CFAP58: variants seen among roughly 807,000 people sequenced by gnomAD.
The protein encoded by CFAP58 is cilia- and flagella-associated protein 58.
A neutral mutation model predicts 119.5 loss-of-function variants in CFAP58; 88 were observed. The observed-to-expected ratio is 0.74, with a 90% CI of 0.62 to 0.88. The LOEUF (loss-of-function observed/expected upper bound fraction) is 0.88. CFAP58 is among the 40% of genes least tolerant of loss of function. The probability of loss-of-function intolerance (pLI) is 0.00; values close to 1 mark genes in which losing one functional copy is unlikely to be tolerated. For synonymous variants in CFAP58, 365 were observed against 366.3 expected (o/e 1.00, Z 0.04); for missense variants, 990 against 1,021.2 (o/e 0.97, Z 0.42).
At chr10:104,384,795 G>C (rs933772572) in intron 9 of CFAP58, among the ~76,000 whole-genome samples, 1 of 152,176 alleles carries the variant, frequency 6.6e-6, no homozygotes, top group Non-Finnish European at 1.5e-5. Context: ...GAAAGGTGAG[G>C]CTCCATGAAC....
chr10:104,440,344 A>G (rs1589937159), intron 15 of CFAP58, among the ~76,000 whole-genome samples: 1 of 110,570 alleles, frequency 9.0e-6, no homozygotes, highest in South Asian at 2.6e-4. Flanking sequence ...ATTAAGTTGA[A>G]TTTTAAAAAA....
At chr10:104,442,069 G>A (rs2133092082) in intron 15 of CFAP58, among the ~76,000 whole-genome samples, 1 of 152,232 alleles carries the variant, frequency 6.6e-6, no homozygotes. Flanking sequence ...TATATACAGA[G>A]GGAAGTAATT....
intron 15 of CFAP58, among the ~76,000 whole-genome samples, chr10:104,437,679 C>T (rs1457167402): frequency 6.6e-6 from 1 of 151,722 alleles, no homozygotes; most frequent in Non-Finnish European, 1.5e-5. Flanking sequence ...GAAAATTGAA[C>T]AAGTATAAGT....
chr10:104,395,275 G>T lies in CFAP58; in HGVS notation c.1674+1800G>T, dbSNP rs539582234. Among the ~76,000 whole-genome samples, 78 of 152,318 alleles carry T rather than the reference G, an allele frequency of 5.1e-4. 1 individual carries two copies. The highest frequency in any genetic ancestry group is 1.8e-3 in the African/African-American group (76 of 41,578). On this transcript the variant is annotated intron_variant, in intron 11 of 17. Coordinates refer to ENST00000369704, the MANE Select transcript of CFAP58 (RefSeq NM_001008723.2). ...ATAAAATACAGGGCAATAAAGTCCTGTATCATTTGGACCTGGGCCAGCAGA... is the reference window on the plus strand; with the variant it reads ...ATAAAATACAGGGCAATAAAGTCCTTTATCATTTGGACCTGGGCCAGCAGA...
At chr10:104,365,314 G>A (rs2014727164) in intron 4 of CFAP58, among the ~76,000 whole-genome samples, 1 of 152,076 alleles carries the variant, frequency 6.6e-6, no homozygotes. Context: ...CATACACAAT[G>A]TGCAGTCTCC....
intron 15 of CFAP58, among the ~76,000 whole-genome samples, chr10:104,411,087 C>A (rs747809075): frequency 3.3e-5 from 5 of 152,006 alleles, no homozygotes; most frequent in Admixed American, 6.6e-5. Context: ...TTACAGGCAT[C>A]CACCACAACG....
At chr10:104,403,131 G>A (rs891881272) in intron 13 of CFAP58, among the ~76,000 whole-genome samples, 1 of 152,174 alleles carries the variant, frequency 6.6e-6, no homozygotes, top group Non-Finnish European at 1.5e-5. Flanking sequence ...TGTCATGGGT[G>A]GGGTCCAGGT....
intron 13 of CFAP58, among the ~76,000 whole-genome samples, chr10:104,402,084 C>T: frequency 6.6e-6 from 1 of 152,128 alleles, no homozygotes; most frequent in East Asian, 1.9e-4. Flanking sequence ...AATGGGAAGA[C>T]AACTTAATAA....
chr10:104,393,355 G>T lies in CFAP58; in HGVS notation c.1554G>T (p.Lys518Asn). 6.2e-7 allele frequency: 1 copy of T among 1,613,822 alleles called. No individual in the cohort carries two copies. Among genetic ancestry groups the T allele is most frequent in the Non-Finnish European group, 8.5e-7 (1 of 1,179,788 alleles). Residue 518 changes from lysine to asparagine, a missense_variant, in exon 11 of 18, where the codon AAG becomes AAT. Physicochemically the swap from Lys to Asn is moderately conservative, Grantham distance 94 (BLOSUM62 0). Transcript: ENST00000369704. ...ATGAAATAACAGATATGAAGAGAAA[G>T]TTAAAGATTATGATCCATCAGGTAG... is the stretch of plus-strand genomic sequence containing the variant. ...AQDEITDMKR[K>N]LKIMIHQVDE...
At chr10:104,422,250 G>C (rs2012671761) in intron 15 of CFAP58, among the ~76,000 whole-genome samples, 1 of 152,188 alleles carries the variant, frequency 6.6e-6, no homozygotes, top group African/African-American at 2.4e-5. Context: ...GCTTATAAAT[G>C]ACATAGCTTG....
chr10:104,353,942 G>C, intron 1 of CFAP58, 36 bp downstream of exon 1: 1 of 1,611,268 alleles, frequency 6.2e-7, no homozygotes, highest in Non-Finnish European at 8.5e-7. Context: ...CCTTTCCCTT[G>C]ACCCCTCCCC....
rs201046238 is a variant in CFAP58, at chr10:104,365,863, G to A, written c.647G>A (p.Arg216Gln). ...CAGAACGAAGCTTCCCGGGAGTTCCGGAAGAAGGAAAAACTAGAGAAAGAG... is the reference window on the plus strand; with the variant it reads ...CAGAACGAAGCTTCCCGGGAGTTCCAGAAGAAGGAAAAACTAGAGAAAGAG... ...QRQNEASREF[R>Q]KKEKLEKELK... is the part of the protein sequence containing the mutation. The change falls in exon 5 of 18, where the codon CGG becomes CAG. Residue 216 changes from arginine (R) to glutamine (Q), a missense_variant. Physicochemically the swap from Arg to Gln is conservative, Grantham distance 43. Transcript: ENST00000369704. 5.2e-5 allele frequency: 84 copies of A among 1,612,888 alleles called. No homozygotes were observed. Among genetic ancestry groups the A allele is most frequent in the East Asian group, 1.3e-4 (6 of 44,782 alleles).
intron 15 of CFAP58, among the ~76,000 whole-genome samples, 172 bp downstream of exon 15, chr10:104,406,965 C>T (rs544229027): frequency 6.6e-6 from 1 of 152,288 alleles, no homozygotes; most frequent in South Asian, 2.1e-4. Context: ...TGGTCTTTTA[C>T]GTTGCGATCA....
At chr10:104,442,194 T>C (rs374431138) in intron 15 of CFAP58, among the ~76,000 whole-genome samples, 2 of 152,314 alleles carry the variant, frequency 1.3e-5, no homozygotes, top group East Asian at 3.9e-4. Flanking sequence ...TGCCTTTTTT[T>C]TTCAATTCTG....
At chr10:104,353,968 CTGACGAT>C (rs2014505071) in intron 1 of CFAP58, 62 bp downstream of exon 1, 2 of 1,584,130 alleles carry the variant, frequency 1.3e-6, no homozygotes, top group South Asian at 1.1e-5. Flanking sequence ...CCCTCTCCTA[CTGACGAT>C]TGTCACAAAC....
At chr10:104,438,561 G>T (rs1049203796) in intron 15 of CFAP58, among the ~76,000 whole-genome samples, 22 of 151,862 alleles carry the variant, frequency 1.4e-4, no homozygotes, top group Non-Finnish European at 2.9e-5. Flanking sequence ...ATTTTTAGTA[G>T]AGACGGGGTT....
intron 15 of CFAP58, among the ~76,000 whole-genome samples, chr10:104,430,638 G>A (rs1244322321): frequency 6.6e-6 from 1 of 152,078 alleles, no homozygotes; most frequent in African/African-American, 2.4e-5. Context: ...TATATAAAGA[G>A]GTGATTGGTT....
chr10:104,364,479 C>T lies in CFAP58; in HGVS notation c.441-254C>T, dbSNP rs576905805. 2.8e-4 allele frequency among the ~76,000 whole-genome samples: 42 copies of T among 151,468 alleles called. No individual in the cohort carries two copies. In the East Asian group the frequency reaches 4.3e-3, roughly 15 times the overall value. ...ACACACACACACACACACTCTCACA[C>T]GCATGAATAGACATTGTATTTTCTT... On this transcript the variant is annotated intron_variant, in intron 3 of 17. Transcript: ENST00000369704.
chr10:104,404,176 G>A (rs1050775083), intron 14 of CFAP58, among the ~76,000 whole-genome samples: 13 of 152,302 alleles, frequency 8.5e-5, no homozygotes, highest in Middle Eastern at 3.4e-3. Context: ...TTGGATGTTC[G>A]TGGCCTTTAA....
Sources: gnomAD v4.1 joint callset for allele counts (sites outside exome capture counted in the v4.1 genomes callset) on GRCh38, gnomAD v4.1.1 for gene constraint, MANE v1.5 for transcripts, NCBI Gene and HGNC (gene_info 2026-07-23, HGNC 2026-07-21) for gene names.